DST: variants seen among roughly 807,000 people sequenced by gnomAD.
The protein encoded by DST is bullous pemphigoid antigen.
DST carries 253 observed loss-of-function variants against 875.2 expected under a neutral mutation model. That is an observed-to-expected ratio of 0.29 (90% CI 0.26 to 0.32). The LOEUF (loss-of-function observed/expected upper bound fraction) is 0.32. DST is among the 10% of genes least tolerant of loss of function. DST has a pLI of 1.00. For synonymous variants in DST, 3,124 were observed against 3,197.1 expected (o/e 0.98, Z 0.77); for missense variants, 8,287 against 9,111.6 (o/e 0.91, Z 3.68).
At chr6:56,470,668 A>G (rs1383418333) in intron 95 of DST, among the ~76,000 whole-genome samples, 1 of 152,056 alleles carries the variant, frequency 6.6e-6, no homozygotes, top group Non-Finnish European at 1.5e-5. Flanking sequence ...TAAGTATCTT[A>G]AGAAGTTTTA....
chr6:56,569,389 C>T (rs1057510637), intron 54 of DST, among the ~76,000 whole-genome samples: 9 of 149,134 alleles, frequency 6.0e-5, no homozygotes, highest in Admixed American at 1.3e-4. Context: ...AAAAAAAATG[C>T]CATATTGGTC....
intron 103 of DST, among the ~76,000 whole-genome samples, chr6:56,459,530 G>A (rs987858406): frequency 6.6e-6 from 1 of 152,164 alleles, no homozygotes; most frequent in Non-Finnish European, 1.5e-5. Flanking sequence ...TCCATTTATT[G>A]CAAACAGACA....
chr6:56,485,509 A>T, intron 87 of DST, 38 bp from the exon 88 acceptor site: 1 of 1,590,610 alleles, frequency 6.3e-7, no homozygotes, highest in African/African-American at 1.3e-5. Context: ...CTTGCAACAA[A>T]AAACGTCACT....
rs569937736 is a variant in DST, at chr6:56,789,982, C to T, written c.626-54693G>A. On this transcript the variant is annotated intron_variant, in intron 4 of 103. Transcript: ENST00000680361. ...CTTGACCTCATGATATTTCAGACTC[C>T]AGTCTCTACCAGGGATGCTCTCTTC... Among the ~76,000 whole-genome samples, 5 of 152,266 alleles carry T rather than the reference C, an allele frequency of 3.3e-5. No homozygotes were observed. In the South Asian group the frequency reaches 1.0e-3, roughly 32 times the overall value.
chr6:56,463,233 G>T, intron 101 of DST, 77 bp from the exon 102 acceptor site: 2 of 831,806 alleles, frequency 2.4e-6, no homozygotes, highest in Non-Finnish European at 4.0e-6. Flanking sequence ...GATATTCATA[G>T]CAAAGAGTCA....
At chr6:56,908,096 T>TAC (rs931562162) in intron 2 of DST, among the ~76,000 whole-genome samples, 12 of 143,750 alleles carry the variant, frequency 8.3e-5, no homozygotes, top group African/African-American at 3.2e-4. Flanking sequence ...CATATATATA[T>TAC]ATACACACAC....
intron 3 of DST, among the ~76,000 whole-genome samples, chr6:56,888,183 C>T (rs1459294192): frequency 2.0e-5 from 3 of 151,962 alleles, no homozygotes; most frequent in Non-Finnish European, 2.9e-5. Context: ...CTCTTGACCT[C>T]GTGATCCGCC....
chr6:56,562,740 C>T (rs928923838), intron 55 of DST, among the ~76,000 whole-genome samples: 1 of 151,194 alleles, frequency 6.6e-6, no homozygotes, highest in Non-Finnish European at 1.5e-5. Context: ...ACCCCCCAGG[C>T]CCCCCACCCC....
intron 2 of DST, among the ~76,000 whole-genome samples, chr6:56,948,005 T>C (rs1323283451): frequency 2.6e-5 from 4 of 151,944 alleles, no homozygotes; most frequent in Non-Finnish European, 4.4e-5. Flanking sequence ...ATGCAACACA[T>C]TGCCATCAAT....
rs879474320 is a variant in DST at position 56,843,575 on chromosome 6, G to A, written c.625+7822C>T. On this transcript the variant is annotated intron_variant, in intron 4 of 103. Coordinates refer to ENST00000680361, the MANE Select transcript of DST (RefSeq NM_001374736.1). ...TGCACGAGGCGCGTGCTTCGGGCCG[G>A]GCCGAGGCCGCGGCAGCGGTGCGGG... The A allele has an allele frequency of 3.1e-3, 3,039 of 984,048 alleles. 4 individuals carry two copies. The highest frequency in any genetic ancestry group is 3.5e-3 in the Non-Finnish European group (2,897 of 829,324). 61.0% of individuals were successfully genotyped at this position (984,048 alleles called of 1,614,324 possible). A position where few individuals can be genotyped will look rare whatever the true frequency, so the allele number is the denominator to read the frequency against.
At chr6:56,580,828 G>A (rs1296482568) in intron 49 of DST, among the ~76,000 whole-genome samples, 3 of 145,928 alleles carry the variant, frequency 2.1e-5, no homozygotes, top group African/African-American at 7.6e-5. Context: ...GACCTCACAA[G>A]CTCAGGTGAT....
Position 56,555,525 on chromosome 6 carries a change from G to C in DST, c.14956C>G (p.Gln4986Glu). 6.2e-7 allele frequency: 1 copy of C among 1,613,962 alleles called. No individual in the cohort carries two copies. Among genetic ancestry groups the C allele is most frequent in the African/African-American group, 1.3e-5 (1 of 75,030 alleles). The change falls in exon 60 of 104, where the codon CAG becomes GAG. Residue 4986 changes from glutamine (Q) to glutamate (E), a missense_variant. Gln to Glu is a conservative substitution (Grantham distance 29). Transcript: ENST00000680361. The part of the protein sequence containing the change: ...VSTHPDAMNQ[Q>E]LETAQKMKQE... Reference sequence around the variant, plus strand: ...TTCATTTTTTGGGCTGTTTCCAACTGTTGGTTCATAGCATCAGGGTGCGTG... The same window carrying C: ...TTCATTTTTTGGGCTGTTTCCAACTCTTGGTTCATAGCATCAGGGTGCGTG...
chr6:56,930,637 T>C (rs1809694490), intron 2 of DST, among the ~76,000 whole-genome samples: 1 of 152,234 alleles, frequency 6.6e-6, no homozygotes, highest in Non-Finnish European at 1.5e-5. Flanking sequence ...TAAGAATTTC[T>C]TCTTTCTGGC....
In DST at chr6:56,573,632, G is replaced by GT. The variant is rs146489582; in HGVS notation, c.13236+46dup. On this transcript the variant is annotated intron_variant, in intron 51 of 103. Transcript: ENST00000680361. ...AACTACACTTTGAGCTTATAAAACT[G>GT]TTTTTTTAAAAAACTGAAAATGGGA... 2.2e-3 allele frequency: 3,150 copies of GT among 1,456,386 alleles called. 41 individuals are homozygous for GT. The African/African-American group carries it at 0.023, about 10-fold the overall frequency. 90.2% of individuals were successfully genotyped at this position (1,456,386 alleles called of 1,614,324 possible).
At chr6:56,747,468 A>G (rs2099576041) in intron 4 of DST, among the ~76,000 whole-genome samples, 2 of 152,296 alleles carry the variant, frequency 1.3e-5, no homozygotes, top group East Asian at 1.9e-4. Flanking sequence ...AATTGAATAT[A>G]AAACTCCTAG....
chr6:56,625,127 C>T (rs2098722147), intron 35 of DST, 30 bp downstream of exon 35: 1 of 1,439,602 alleles, frequency 6.9e-7, no homozygotes, highest in Admixed American at 1.7e-5. Flanking sequence ...TTTTATGCCC[C>T]TTCCCCTCTT....
intron 9 of DST, among the ~76,000 whole-genome samples, chr6:56,678,053 A>G (rs1450120519): frequency 1.3e-5 from 2 of 152,238 alleles, no homozygotes; most frequent in Non-Finnish European, 2.9e-5. Context: ...TGGTTTTCAA[A>G]TCATTACCTG....
In DST at chr6:56,476,350, C is replaced by T. The variant is rs1562239434; in HGVS notation, c.21676-13G>A. The T allele has an allele frequency of 3.3e-6, 5 of 1,534,260 alleles. No individual in the cohort carries two copies. In the East Asian group the frequency reaches 7.0e-5, roughly 21 times the overall value. Reference sequence around the variant, plus strand: ...CCCAGGCCAGCACCTGTCAGAGAAACAGAAATTTCTCTGAATTTCCTCCAA... The same window carrying T: ...CCCAGGCCAGCACCTGTCAGAGAAATAGAAATTTCTCTGAATTTCCTCCAA... On this transcript the variant is annotated splice_polypyrimidine_tract_variant and intron_variant, in intron 91 of 103. Coordinates refer to ENST00000680361, the MANE Select transcript of DST (RefSeq NM_001374736.1).
In DST at chr6:56,843,337, A is replaced by G. The variant is rs541478620; in HGVS notation, c.625+8060T>C. The G allele has an allele frequency of 4.8e-5, 58 of 1,214,144 alleles. No homozygotes were observed. In the South Asian group the frequency reaches 1.6e-3, roughly 34 times the overall value. The allele number at this position is 1,214,144 out of a possible 1,614,324, so 75.2% of individuals were successfully genotyped here. A position where few individuals can be genotyped will look rare whatever the true frequency, so the allele number is the denominator to read the frequency against. The stretch of plus-strand genomic sequence containing the variant: ...CTGCCGGCGCCAGGGCCGGCAAAGG[A>G]AACGCCCAGGCCTCCGGGCAGGCCG... On this transcript the variant is annotated intron_variant, in intron 4 of 103. Transcript: ENST00000680361.
Sources: gnomAD v4.1 joint callset for allele counts (sites outside exome capture counted in the v4.1 genomes callset) on GRCh38, gnomAD v4.1.1 for gene constraint, MANE v1.5 for transcripts, NCBI Gene and HGNC (gene_info 2026-07-23, HGNC 2026-07-21) for gene names.